MDFIC: variants seen among roughly 807,000 people sequenced by gnomAD.
MDFIC encodes the protein myoD family inhibitor domain-containing protein.
A neutral mutation model predicts 23.2 loss-of-function variants in MDFIC; 17 were observed. The ratio of observed to expected loss-of-function variants is 0.73; its 90% CI spans 0.50 to 1.10. The LOEUF is 1.10. Ranked by LOEUF, MDFIC falls within the 50% of genes least tolerant of loss-of-function variation. The pLI is 0.00. For missense variants in MDFIC, 356 were observed against 316.6 expected, an observed-to-expected ratio of 1.12 and a Z score of -0.95; for synonymous variants, 120 against 115.2, an observed-to-expected ratio of 1.04 and a Z score of -0.27.
At chr7:115,007,211 T>C (rs1562829079) in intron 4 of MDFIC, among the ~76,000 whole-genome samples, 1 of 152,152 alleles carries the variant, frequency 6.6e-6, no homozygotes, top group Non-Finnish European at 1.5e-5. Flanking sequence ...GGAACATAGG[T>C]AGGTGGAGAG....
At chr7:114,987,567 C>A (rs549153230) in intron 4 of MDFIC, among the ~76,000 whole-genome samples, 21 of 152,040 alleles carry the variant, frequency 1.4e-4, no homozygotes, top group Non-Finnish European at 2.8e-4. Context: ...ATGGTGTGGG[C>A]GAAAGGTTTA....
At chr7:114,994,511 T>TAAA (rs1791277585) in intron 4 of MDFIC, among the ~76,000 whole-genome samples, 1 of 152,228 alleles carries the variant, frequency 6.6e-6, no homozygotes, top group Non-Finnish European at 1.5e-5. Flanking sequence ...CCATGTTTAG[T>TAAA]GCTTCCTTCA....
chr7:115,015,817 T>C lies in MDFIC; in HGVS notation c.623T>C (p.Met208Thr). ...EACCCCCGDEMGDDCNCPCDM... is the reference protein window; with the variant it reads ...EACCCCCGDETGDDCNCPCDM... Reference sequence around the variant, plus strand: ...TGCTGCTGTTGCTGTGGTGACGAGATGGGGGATGATTGTAACTGCCCTTGT... The same window carrying C: ...TGCTGCTGTTGCTGTGGTGACGAGACGGGGGATGATTGTAACTGCCCTTGT... The change falls in exon 5 of 5, where the codon ATG becomes ACG. Residue 208 changes from methionine (M) to threonine (T), a missense_variant. By Grantham distance (81) the Met-to-Thr change is moderately conservative. Transcript: ENST00000393486. The C allele has an allele frequency of 6.2e-7, 1 of 1,614,204 alleles. No homozygotes were observed. The highest frequency in any genetic ancestry group is 2.2e-5 in the East Asian group (1 of 44,874).
chr7:114,989,215 A>G (rs2116012714), intron 4 of MDFIC, among the ~76,000 whole-genome samples: 1 of 152,292 alleles, frequency 6.6e-6, no homozygotes, highest in African/African-American at 2.4e-5. Context: ...AAAGAGGAAG[A>G]GAACTATATC....
At chr7:115,012,329 A>T (rs879338385) in intron 4 of MDFIC, among the ~76,000 whole-genome samples, 1 of 152,254 alleles carries the variant, frequency 6.6e-6, no homozygotes, top group African/African-American at 2.4e-5. Context: ...ACATGAAAAA[A>T]TGTCCAAACC....
In MDFIC at chr7:114,971,017, G is replaced by A. The variant is rs547815206; in HGVS notation, c.218-8489G>A. On this transcript the variant is annotated intron_variant, in intron 3 of 4. Coordinates refer to ENST00000393486, the MANE Select transcript of MDFIC (RefSeq NM_001166345.3). ...ATAAGAAATTTATTTGCACATTGCT[G>A]GCTATGGCTGTATCACCTGTAGGTA... Among the ~76,000 whole-genome samples the A allele has an allele frequency of 2.0e-5, 3 of 152,238 alleles. No homozygotes were observed. In the South Asian group the frequency reaches 6.2e-4, roughly 32 times the overall value.
At chr7:114,978,217 C>T (rs1261319914) in intron 3 of MDFIC, among the ~76,000 whole-genome samples, 1 of 151,822 alleles carries the variant, frequency 6.6e-6, no homozygotes, top group Non-Finnish European at 1.5e-5. Flanking sequence ...TCTCATACAT[C>T]AAATCCTACA....
chr7:114,979,510 A>T lies in MDFIC; in HGVS notation c.222A>T (p.Gln74His). The T allele has an allele frequency of 6.2e-7, 1 of 1,601,432 alleles. No homozygotes were observed. The change falls in exon 4 of 5, where the codon CAA (glutamine) becomes CAT (histidine). Residue 74 changes from glutamine to histidine, a missense_variant. Coordinates refer to ENST00000393486, the MANE Select transcript of MDFIC (RefSeq NM_001166345.3). ...TTTTTCCTGTTTTTAATTTAGCCCA[A>T]CCTCAGCGCTTGCCTCAGCTTCAGA... Reference protein sequence around the residue: ...NPSDGELIRTQPQRLPQLQTS... With the variant: ...NPSDGELIRTHPQRLPQLQTS...
At chr7:114,964,898 AG>A (rs1473662551) in intron 3 of MDFIC, among the ~76,000 whole-genome samples, 1 of 152,194 alleles carries the variant, frequency 6.6e-6, no homozygotes, top group Non-Finnish European at 1.5e-5. Context: ...CTGGATCAGA[AG>A]AATAGCACTG....
At chr7:114,930,340 T>C (rs1281340504) in intron 2 of MDFIC, among the ~76,000 whole-genome samples, 1 of 152,198 alleles carries the variant, frequency 6.6e-6, no homozygotes, top group Non-Finnish European at 1.5e-5. Context: ...AAGGGATGCA[T>C]ATCACGCATG....
At chr7:114,985,046 AAGCAGTGTGGTATAGTAATTAG>A (rs1217527581) in intron 4 of MDFIC, among the ~76,000 whole-genome samples, 1 of 152,160 alleles carries the variant, frequency 6.6e-6, no homozygotes, top group African/African-American at 2.4e-5. Context: ...AATCACATAG[AAGCAGTGTGGTATAGTAATTAG>A]AGCACAGACT....
chr7:115,004,447 C>T (rs1379881859), intron 4 of MDFIC, among the ~76,000 whole-genome samples: 2 of 152,060 alleles, frequency 1.3e-5, no homozygotes, highest in African/African-American at 4.8e-5. Context: ...CTGTTCTCCA[C>T]AAAGAGAAAA....
intron 4 of MDFIC, among the ~76,000 whole-genome samples, chr7:114,993,137 G>T (rs1403264235): frequency 6.6e-6 from 1 of 152,120 alleles, no homozygotes; most frequent in Non-Finnish European, 1.5e-5. Context: ...GTTTATTTGT[G>T]TAGAGGTGTT....
At chr7:114,964,649 C>G (rs1289112476) in intron 3 of MDFIC, among the ~76,000 whole-genome samples, 2 of 152,120 alleles carry the variant, frequency 1.3e-5, no homozygotes, top group African/African-American at 4.8e-5. Flanking sequence ...CTCCTGAGTT[C>G]AAGCGATTCT....
chr7:114,977,047 G>T (rs538575386), intron 3 of MDFIC, among the ~76,000 whole-genome samples: 55 of 152,154 alleles, frequency 3.6e-4, no homozygotes, highest in African/African-American at 1.3e-3. Context: ...CAGAAAAAAA[G>T]ACTAATTAAA....
chr7:114,932,670 G>T (rs541930879), intron 2 of MDFIC, among the ~76,000 whole-genome samples: 91 of 152,324 alleles, frequency 6.0e-4, no homozygotes, highest in African/African-American at 2.0e-3. Flanking sequence ...AGATGGTAGA[G>T]CCAAAAGAAT....
chr7:114,930,034 A>T (rs1329865317), intron 2 of MDFIC, among the ~76,000 whole-genome samples: 1 of 152,188 alleles, frequency 6.6e-6, no homozygotes, highest in Non-Finnish European at 1.5e-5. Flanking sequence ...ATTTTCTGAG[A>T]GCAAAGGAGG....
intron 2 of MDFIC, among the ~76,000 whole-genome samples, chr7:114,939,945 T>A (rs1792505768): frequency 6.6e-6 from 1 of 152,204 alleles, no homozygotes; most frequent in Admixed American, 6.5e-5. Flanking sequence ...AGGACTCTGC[T>A]GATGAGCTAG....
chr7:114,954,146 T>C (rs1792836798), intron 3 of MDFIC, among the ~76,000 whole-genome samples: 1 of 152,224 alleles, frequency 6.6e-6, no homozygotes, highest in Admixed American at 6.5e-5. Context: ...CTGCACAACA[T>C]ATTGATATAC....
Sources: allele counts gnomAD v4.1 joint callset (sites outside exome capture counted in the v4.1 genomes callset), GRCh38; gene constraint gnomAD v4.1.1; transcripts MANE v1.5; gene names NCBI Gene and HGNC (gene_info 2026-07-23, HGNC 2026-07-21).